SLC37A3: variants seen among roughly 807,000 people sequenced by gnomAD.
The protein encoded by SLC37A3 is solute carrier family 37 member 3, also known as sugar phosphate exchanger 3.
A neutral mutation model predicts 67.1 loss-of-function variants in SLC37A3; 51 were observed. That is an observed-to-expected ratio of 0.76 (90% confidence interval 0.61 to 0.96). The LOEUF is 0.96. Among genes scored for constraint, SLC37A3 ranks in the 40% least tolerant of loss-of-function variants. The pLI, the probability that SLC37A3 is intolerant of heterozygous loss-of-function variation, is 0.00. For missense variants in SLC37A3, 508 were observed against 603.0 expected (o/e 0.84, Z 1.65); for synonymous variants, 214 against 231.4 (o/e 0.92, Z 0.68).
rs1418919232 is a variant in SLC37A3 at position 140,382,548 on chromosome 7, C to G, written c.-22G>C. The G allele has an allele frequency of 6.2e-7, 1 of 1,608,852 alleles. No individual in the cohort carries two copies. Among genetic ancestry groups the G allele is most frequent in the East Asian group, 2.2e-5 (1 of 44,852 alleles). On this transcript the variant is annotated 5_prime_UTR_variant, in exon 2 of 15. Coordinates refer to ENST00000326232, the MANE Select transcript of SLC37A3 (RefSeq NM_207113.3). Reference sequence around the variant, plus strand: ...CCATGTTCTTCCTGACCTTCCTTCTCACCTTTGACCTTAAGGTTTGGATGA... The same window carrying G: ...CCATGTTCTTCCTGACCTTCCTTCTGACCTTTGACCTTAAGGTTTGGATGA...
intron 6 of SLC37A3, among the ~76,000 whole-genome samples, chr7:140,356,862 CT>C (rs1233895232): frequency 6.6e-6 from 1 of 152,166 alleles, no homozygotes; most frequent in East Asian, 1.9e-4. Context: ...CCCTTATGCT[CT>C]GCTGATGGGA....
intron 1 of SLC37A3, among the ~76,000 whole-genome samples, chr7:140,387,722 AT>A (rs1169818710): frequency 2.8e-5 from 2 of 71,812 alleles, no homozygotes; most frequent in Admixed American, 2.4e-4. Flanking sequence ...TACTATATAT[AT>A]TATATAAATA....
chr7:140,343,790 A>C, intron 12 of SLC37A3: 1 of 493,188 alleles, frequency 2.0e-6, no homozygotes, highest in Non-Finnish European at 3.6e-6. Context: ...TAGAACCCAA[A>C]GATACAAAAA....
At chr7:140,343,621 G>A (rs1796445599) in intron 12 of SLC37A3, 58 bp from the exon 13 acceptor site, 1 of 1,545,932 alleles carries the variant, frequency 6.5e-7, no homozygotes, top group East Asian at 2.3e-5. Context: ...GCAATCTACT[G>A]CATAAGGCAA....
intron 10 of SLC37A3, among the ~76,000 whole-genome samples, chr7:140,346,712 C>A (rs1796574787): frequency 6.6e-6 from 1 of 152,106 alleles, no homozygotes; most frequent in Admixed American, 6.5e-5. Context: ...CCAGCCTGGG[C>A]AACACAGTGC....
chr7:140,361,567 G>T (rs1394654995), intron 5 of SLC37A3, among the ~76,000 whole-genome samples: 3 of 119,544 alleles, frequency 2.5e-5, no homozygotes, highest in Admixed American at 2.0e-4. Flanking sequence ...CTCTCTCCAC[G>T]GTCTCCTTCC....
At position 140,335,506 on chromosome 7, in the gene SLC37A3, T is replaced by C; in HGVS notation, c.1393-2A>G. The stretch of plus-strand genomic sequence containing the variant: ...GATAAACACAATTGTACAACTTGTC[T>C]GTAAAGAGAAAATAGTATTAAATAT... On this transcript the variant is annotated splice_acceptor_variant, in intron 14 of 14. Transcript: ENST00000326232. LOFTEE classifies it high-confidence loss of function. 6.2e-7 allele frequency: 1 copy of C among 1,612,266 alleles called. No homozygotes were observed. Among genetic ancestry groups the C allele is most frequent in the South Asian group, 1.1e-5 (1 of 91,064 alleles).
Position 140,363,053 on chromosome 7 carries a change from C to A in SLC37A3, c.375+1355G>T, listed in dbSNP as rs1275157674. Among the ~76,000 whole-genome samples the A allele has an allele frequency of 2.2e-4, 21 of 93,370 alleles. 3 individuals are homozygous for A. Among genetic ancestry groups the A allele is most frequent in the African/African-American group, 8.2e-4 (21 of 25,726 alleles). The allele number at this position is 93,370 out of a possible 152,430, so 61.3% of individuals were successfully genotyped here. A position where few individuals can be genotyped will look rare whatever the true frequency, so the allele number is the denominator to read the frequency against. On this transcript the variant is annotated intron_variant, in intron 5 of 14. Coordinates refer to ENST00000326232, the MANE Select transcript of SLC37A3 (RefSeq NM_207113.3). ...GACCCCTCTGCCCGGCCAGCCGCCCCGTCAGGGAGGGTGGTGGGGGGGGTC... is the reference window on the plus strand; with the variant it reads ...GACCCCTCTGCCCGGCCAGCCGCCCAGTCAGGGAGGGTGGTGGGGGGGGTC...
intron 1 of SLC37A3, among the ~76,000 whole-genome samples, chr7:140,396,423 T>G (rs934906190): frequency 6.6e-6 from 1 of 152,214 alleles, no homozygotes; most frequent in African/African-American, 2.4e-5. Flanking sequence ...CCTGTAATTT[T>G]TATCTCTTCT....
In SLC37A3 at chr7:140,345,922, GGC is replaced by G; in HGVS notation, c.1071_1072del (p.Pro358GlyfsTer17). 3 of 1,613,998 alleles carry G rather than the reference GGC, an allele frequency of 1.9e-6. No individual in the cohort carries two copies. Among genetic ancestry groups the G allele is most frequent in the Non-Finnish European group, 2.5e-6 (3 of 1,179,996 alleles). ...CAGAAGCAGACTCAGGGCAAGAACC[GGC>G]GCTCTCTTCTGTAGTACATCAGAGA... On this transcript the variant is annotated frameshift_variant, in exon 11 of 15. Transcript: ENST00000326232. LOFTEE classifies it high-confidence loss of function.
At chr7:140,395,186 G>A (rs1798869473) in intron 1 of SLC37A3, among the ~76,000 whole-genome samples, 1 of 149,366 alleles carries the variant, frequency 6.7e-6, no homozygotes, top group South Asian at 2.2e-4. Flanking sequence ...GACCAGCCTG[G>A]CCAAAATGGT....
chr7:140,340,620 C>CTTT (rs776791621), intron 13 of SLC37A3, among the ~76,000 whole-genome samples: 1 of 140,694 alleles, frequency 7.1e-6, no homozygotes, highest in African/African-American at 2.6e-5. Flanking sequence ...GCAACTTTGT[C>CTTT]TTTTTTTTTT....
intron 4 of SLC37A3, among the ~76,000 whole-genome samples, chr7:140,368,286 C>G (rs1308287936): frequency 6.6e-6 from 1 of 152,152 alleles, no homozygotes; most frequent in Admixed American, 6.5e-5. Context: ...GCCAAGGACT[C>G]CGAGCGCAGT....
rs749807468 is a variant in SLC37A3 at position 140,351,394 on chromosome 7, A to T, written c.761T>A (p.Ile254Asn). 1.9e-6 allele frequency: 3 copies of T among 1,614,180 alleles called. 1 individual carries two copies. In the Admixed American group the frequency reaches 5.0e-5, roughly 27 times the overall value. The change falls in exon 9 of 15, where the codon ATT becomes AAT. Residue 254 changes from isoleucine to asparagine, a missense_variant. Physicochemically the swap from Ile to Asn is moderately radical, Grantham distance 149. Coordinates refer to ENST00000326232, the MANE Select transcript of SLC37A3 (RefSeq NM_207113.3). ...TTCGTCTTCATTTTCACCACCATTA[A>T]TTAATGGCCTGTGTGAGTCTTCTTC... Reference protein sequence around the residue: ...NFEEDSHRPLINGGENEDEYE... With the variant: ...NFEEDSHRPLNNGGENEDEYE...
At chr7:140,379,624 T>C (rs540605682) in intron 3 of SLC37A3, among the ~76,000 whole-genome samples, 1 of 151,888 alleles carries the variant, frequency 6.6e-6, no homozygotes, top group South Asian at 2.1e-4. Flanking sequence ...CCAGGCGTGA[T>C]GGCTCACATT....
In SLC37A3 at chr7:140,382,641, A is replaced by G. The variant is rs962306177; in HGVS notation, c.-70-45T>C. The G allele has an allele frequency of 3.7e-5, 32 of 856,870 alleles. No homozygotes were observed. In the South Asian group the frequency reaches 5.4e-4, roughly 15 times the overall value. 53.1% of individuals were successfully genotyped at this position (856,870 alleles called of 1,614,324 possible). A position where few individuals can be genotyped will look rare whatever the true frequency, so the allele number is the denominator to read the frequency against. Reference sequence around the variant, plus strand: ...TATGGACATTATTAAACATAGGCAGAGTATCCAAAAACTGTATTATTTAGA... The same window carrying G: ...TATGGACATTATTAAACATAGGCAGGGTATCCAAAAACTGTATTATTTAGA... On this transcript the variant is annotated intron_variant, in intron 1 of 14. Transcript: ENST00000326232.
intron 3 of SLC37A3, among the ~76,000 whole-genome samples, chr7:140,377,610 T>G (rs1453451468): frequency 2.0e-5 from 3 of 152,258 alleles, no homozygotes; most frequent in Non-Finnish European, 2.9e-5. Context: ...TACTGAACTC[T>G]TTTTGTAAAA....
At chr7:140,338,466 T>G (rs1796229785) in intron 13 of SLC37A3, among the ~76,000 whole-genome samples, 1 of 151,984 alleles carries the variant, frequency 6.6e-6, no homozygotes, top group African/African-American at 2.4e-5. Context: ...TAAACTACAT[T>G]GGAACTTCAC....
At position 140,370,097 on chromosome 7, in the gene SLC37A3, C is replaced by T. The variant is rs148722236; in HGVS notation, c.199-415G>A. On this transcript the variant is annotated intron_variant, in intron 3 of 14. Transcript: ENST00000326232. ...TGCACTCCAGCCTGGGCAACAAGAG[C>T]GAAACTCCGTCTCAAAAAAACAAAA... Among the ~76,000 whole-genome samples, 303 of 150,322 alleles carry T rather than the reference C, an allele frequency of 2.0e-3. 2 individuals are homozygous for T. The highest frequency in any genetic ancestry group is 6.7e-3 in the African/African-American group (276 of 40,946).
Sources: allele counts gnomAD v4.1 joint callset (sites outside exome capture counted in the v4.1 genomes callset), GRCh38; gene constraint gnomAD v4.1.1; transcripts MANE v1.5; gene names NCBI Gene and HGNC (gene_info 2026-07-23, HGNC 2026-07-21).